MED14: variants seen among roughly 807,000 people sequenced by gnomAD.
MED14 encodes mediator complex subunit 14, also known as mediator of RNA polymerase II transcription subunit 14.
In MED14, 8 loss-of-function variants were observed where a neutral mutation model predicts 109.0. The observed-to-expected ratio is 0.07, with a 90% confidence interval of 0.04 to 0.13. The LOEUF (loss-of-function observed/expected upper bound fraction) is 0.13. Among genes scored for constraint, MED14 ranks in the 10% least tolerant of loss-of-function variants. The pLI, the probability that MED14 is intolerant of heterozygous loss-of-function variation, is 1.00. For missense variants in MED14, 711 were observed against 1,142.4 expected, an observed-to-expected ratio of 0.62 and a Z score of 5.44; for synonymous variants, 399 against 408.7, an observed-to-expected ratio of 0.98 and a Z score of 0.29.
intron 10 of MED14, among the ~76,000 whole-genome samples, chrX:40,707,739 T>C (rs1931204823): frequency 1.8e-5 from 2 of 112,033 alleles, no homozygotes; most frequent in South Asian, 7.4e-4. Flanking sequence ...AGTAGATTAA[T>C]GATTGCCAAA....
Position 40,735,280 on chromosome X carries a change from C to T in MED14, c.133G>A (p.Ala45Thr). ...GTGCTCAGCCGGTAGCCCGGGCTAG[C>T]CGCAGCTGCAGCGGCCGCCGCCACG... ...AAVAAAAAAAASPGYRLSTLI... is the reference protein window; with the variant it reads ...AAVAAAAAAATSPGYRLSTLI... Residue 45 changes from alanine to threonine, a missense_variant, in exon 1 of 31, where the codon GCT (alanine) becomes ACT (threonine). Ala to Thr is a moderately conservative substitution (Grantham distance 58). Transcript: ENST00000324817. 6 of 1,140,505 alleles carry T rather than the reference C, an allele frequency of 5.3e-6. No individual in the cohort carries two copies. The highest frequency in any genetic ancestry group is 7.0e-6 in the Non-Finnish European group (6 of 861,057). 94.0% of individuals were successfully genotyped at this position (1,140,505 alleles called of 1,213,427 possible).
At chrX:40,712,846 T>C in intron 6 of MED14, 68 bp downstream of exon 6, 3 of 1,007,997 alleles carry the variant, frequency 3.0e-6, no homozygotes, top group Non-Finnish European at 4.0e-6. Flanking sequence ...GCCGGGAATA[T>C]TTCAATAATA....
rs1310886090 is a variant in MED14 at position 40,664,387 on chromosome X, C to T, written c.3368G>A (p.Arg1123His). ...GTTGGCTGGTGACATTCCAGGCATG[C>T]GTGCTGCTGGTGAGGGGCCAGACAC... is the stretch of plus-strand genomic sequence containing the variant. ...PQVSGPSPAA[R>H]MPGMSPANPS... The change falls in exon 25 of 31, where the codon CGC (arginine) becomes CAC (histidine). Residue 1123 changes from arginine to histidine, a missense_variant. Arg to His is a conservative substitution (Grantham distance 29). Around this residue, in one of 8 missense-constraint regions of MED14, gnomAD observed 100 missense variants for 147.5 expected, o/e 0.68. Coordinates refer to ENST00000324817, the MANE Select transcript of MED14 (RefSeq NM_004229.4). 3.3e-6 allele frequency: 4 copies of T among 1,205,221 alleles called. No homozygotes were observed. Among genetic ancestry groups the T allele is most frequent in the East Asian group, 3.0e-5 (1 of 33,446 alleles).
At chrX:40,672,626 T>C (rs940482857) in intron 22 of MED14, among the ~76,000 whole-genome samples, 19 of 112,406 alleles carry the variant, frequency 1.7e-4, no homozygotes, top group African/African-American at 5.8e-4. Flanking sequence ...TGTTATCTCA[T>C]TGTAGCTTTA....
intron 26 of MED14, among the ~76,000 whole-genome samples, chrX:40,660,201 G>C (rs1361929817): frequency 8.9e-6 from 1 of 111,836 alleles, no homozygotes; most frequent in Non-Finnish European, 1.9e-5. Flanking sequence ...AATTATGTCT[G>C]AGATTTGCTG....
chrX:40,732,513 T>C (rs1435912287), intron 1 of MED14, among the ~76,000 whole-genome samples: 2 of 96,322 alleles, frequency 2.1e-5, no homozygotes, highest in African/African-American at 8.5e-5. Flanking sequence ...CGTGAGACTC[T>C]GTCTCAAAAA....
At chrX:40,696,688 T>C (rs948878517) in intron 13 of MED14, among the ~76,000 whole-genome samples, 2 of 111,826 alleles carry the variant, frequency 1.8e-5, no homozygotes, top group Non-Finnish European at 3.8e-5. Context: ...CTATACAAGT[T>C]AATATTTCAA....
At chrX:40,688,431 T>C in intron 16 of MED14, 23 bp downstream of exon 16, 1 of 1,140,317 alleles carries the variant, frequency 8.8e-7, no homozygotes, top group Non-Finnish European at 1.2e-6. Flanking sequence ...TGGCACCAAG[T>C]GAAACATATG....
rs374592398 is a variant in MED14 at position 40,717,692 on chromosome X, T to C, written c.349-2982A>G. Among the ~76,000 whole-genome samples the C allele has an allele frequency of 4.5e-5, 5 of 111,122 alleles. No homozygotes were observed. The South Asian group carries it at 1.9e-3, about 42-fold the overall frequency. On this transcript the variant is annotated intron_variant, in intron 3 of 30. Coordinates refer to ENST00000324817, the MANE Select transcript of MED14 (RefSeq NM_004229.4). ...AGTGCACCACCACCCCCAGCTAATTTTTGTATTTTTAGTAAAGACGGGGTT... is the reference window on the plus strand; with the variant it reads ...AGTGCACCACCACCCCCAGCTAATTCTTGTATTTTTAGTAAAGACGGGGTT...
chrX:40,734,673 G>A (rs956463355), intron 1 of MED14, among the ~76,000 whole-genome samples: 8 of 112,169 alleles, frequency 7.1e-5, no homozygotes, highest in Non-Finnish European at 1.5e-4. Context: ...AGAAATAACA[G>A]ACTACTTACA....
chrX:40,678,025 G>A (rs1929970987), intron 21 of MED14, among the ~76,000 whole-genome samples: 1 of 111,251 alleles, frequency 9.0e-6, no homozygotes, highest in African/African-American at 3.3e-5. Context: ...TCAGGCATAT[G>A]TGATTTCAAA....
At chrX:40,720,940 G>A (rs1931692040) in intron 3 of MED14, among the ~76,000 whole-genome samples, 1 of 110,025 alleles carries the variant, frequency 9.1e-6, no homozygotes, top group Non-Finnish European at 1.9e-5. Flanking sequence ...AGCCCTGGCA[G>A]GATTCATCGC....
At position 40,660,252 on chromosome X, in the gene MED14, A is replaced by G. The variant is rs746351089; in HGVS notation, c.3685-645T>C. On this transcript the variant is annotated intron_variant, in intron 26 of 30. Transcript: ENST00000324817. ...AGGAGTTCTAGATGAAACAATACTGATATTAGTTAACTGTTGGAGGTGGGT... is the reference window on the plus strand; with the variant it reads ...AGGAGTTCTAGATGAAACAATACTGGTATTAGTTAACTGTTGGAGGTGGGT... 2.7e-5 allele frequency among the ~76,000 whole-genome samples: 3 copies of G among 111,748 alleles called. No homozygotes were observed. In the Admixed American group the frequency reaches 2.9e-4, roughly 11 times the overall value.
intron 16 of MED14, among the ~76,000 whole-genome samples, chrX:40,688,078 G>A (rs367637675): frequency 9.0e-6 from 1 of 110,854 alleles, no homozygotes; most frequent in Non-Finnish European, 1.9e-5. Flanking sequence ...CTAGCTGGGC[G>A]TCGTGGTGTG....
Position 40,713,524 on chromosome X carries a change from C to A in MED14, c.652+254G>T, listed in dbSNP as rs1423246434. On this transcript the variant is annotated intron_variant, in intron 5 of 30. Coordinates refer to ENST00000324817, the MANE Select transcript of MED14 (RefSeq NM_004229.4). ...GTGGTGCAATCTTGGCTCACTGCAA[C>A]CTCTGCCTCCCAGGTTCAAGCAATT... 2.7e-5 allele frequency among the ~76,000 whole-genome samples: 3 copies of A among 112,354 alleles called. No individual in the cohort carries two copies. In the Admixed American group the frequency reaches 2.8e-4, roughly 11 times the overall value.
At chrX:40,712,369 A>G in intron 6 of MED14, 76 bp from the exon 7 acceptor site, 1 of 627,840 alleles carries the variant, frequency 1.6e-6, no homozygotes, top group East Asian at 3.5e-5. Context: ...CTAAGGAAGC[A>G]CATAATAACA....
intron 10 of MED14, among the ~76,000 whole-genome samples, chrX:40,704,732 G>C: frequency 8.9e-6 from 1 of 112,056 alleles, no homozygotes; most frequent in East Asian, 2.8e-4. Context: ...AATTAATAAA[G>C]TAAAAGATTG....
chrX:40,723,667 GAAAAAAAAAA>G (rs56676419), intron 3 of MED14, among the ~76,000 whole-genome samples: 73 of 17,988 alleles, frequency 4.1e-3, no homozygotes, highest in African/African-American at 0.015. Flanking sequence ...CTCCGTCTCA[GAAAAAAAAAA>G]AAAAAAAAAA....
chrX:40,735,641 G>C (rs1352595034), upstream of MED14: 1 of 497,624 alleles, frequency 2.0e-6, no homozygotes, highest in East Asian at 3.8e-5. Flanking sequence ...GGGATGGGGG[G>C]GAAGCAGGGC....
Sources: allele counts gnomAD v4.1 joint callset (sites outside exome capture counted in the v4.1 genomes callset), GRCh38; gene constraint gnomAD v4.1.1; regional missense constraint gnomAD v4.1.1; transcripts MANE v1.5; gene names NCBI Gene and HGNC (gene_info 2026-07-23, HGNC 2026-07-21).